The following MVP variants were observed in gnomAD, a reference collection of about 807,000 sequenced individuals.
The protein encoded by MVP is major vault protein.
MVP carries 62 observed loss-of-function variants against 83.5 expected under a neutral mutation model. The ratio of observed to expected loss-of-function variants is 0.74; its 90% CI spans 0.61 to 0.92. MVP has a LOEUF of 0.92. Among genes scored for constraint, MVP ranks in the 40% least tolerant of loss-of-function variants. MVP has a pLI of 0.00. For synonymous variants in MVP, 505 were observed against 504.1 expected, an observed-to-expected ratio of 1.00 and a Z score of -0.02; for missense variants, 1,000 against 1,203.4, an observed-to-expected ratio of 0.83 and a Z score of 2.50.
chr16:29,823,358 G>A (rs2067379198), intron 1 of MVP, among the ~76,000 whole-genome samples: 2 of 151,440 alleles, frequency 1.3e-5, no homozygotes, highest in Non-Finnish European at 2.9e-5. Flanking sequence ...TGAACTCCTG[G>A]CCTCAAGTGA....
In MVP at chr16:29,845,963, G is replaced by A. The variant is rs1131328; in HGVS notation, c.2122G>A (p.Glu708Lys). The A allele has an allele frequency of 6.2e-7, 1 of 1,614,278 alleles. No individual in the cohort carries two copies. The highest frequency in any genetic ancestry group is 1.1e-5 in the South Asian group (1 of 91,086). ...CGAGAAAGCTCGCAAGGAACTTTTG[G>A]AGCTGGAGGCTCTGAGGTGGGTTGA... is the stretch of plus-strand genomic sequence containing the variant. ...EAEKARKELLELEALSMAVES... is the reference protein window; with the variant it reads ...EAEKARKELLKLEALSMAVES... Residue 708 changes from glutamate to lysine, a missense_variant, in exon 12 of 15, where the codon GAG becomes AAG. Transcript: ENST00000357402.
intron 11 of MVP, among the ~76,000 whole-genome samples, chr16:29,845,449 C>T (rs747397978): frequency 7.9e-5 from 12 of 152,150 alleles, no homozygotes; most frequent in Non-Finnish European, 1.6e-4. Context: ...ATTCCTGCTG[C>T]CCAGAAAGCT....
At chr16:29,836,106 A>T in intron 6 of MVP, among the ~76,000 whole-genome samples, 1 of 151,838 alleles carries the variant, frequency 6.6e-6, no homozygotes, top group South Asian at 2.1e-4. Context: ...TCGCTACAAA[A>T]AATTTAAAAA....
intron 2 of MVP, 59 bp from the exon 3 acceptor site, chr16:29,830,819 C>T: frequency 1.3e-6 from 2 of 1,581,222 alleles, no homozygotes. Flanking sequence ...CATTTGGTGT[C>T]CTCTTTGGTA....
At chr16:29,838,769 G>C (rs1273472538) in intron 7 of MVP, among the ~76,000 whole-genome samples, 1 of 152,188 alleles carries the variant, frequency 6.6e-6, no homozygotes, top group East Asian at 1.9e-4. Flanking sequence ...GGAGTGTATA[G>C]TGAGCTATGA....
At position 29,836,977 on chromosome 16, in the gene MVP, C is replaced by A; in HGVS notation, c.909+19C>A. 6.3e-7 allele frequency: 1 copy of A among 1,593,762 alleles called. No individual in the cohort carries two copies. ...GGTCAAGGTGAGGTCCCTACACCCCCACAGAGGACTGCCCTGGGAGATGTA... is the reference window on the plus strand; with the variant it reads ...GGTCAAGGTGAGGTCCCTACACCCCAACAGAGGACTGCCCTGGGAGATGTA... On this transcript the variant is annotated intron_variant, in intron 7 of 14. Transcript: ENST00000357402.
At position 29,840,497 on chromosome 16, in the gene MVP, C is replaced by G. The variant is rs373050100; in HGVS notation, c.1191+38C>G. On this transcript the variant is annotated intron_variant, in intron 8 of 14. Coordinates refer to ENST00000357402, the MANE Select transcript of MVP (RefSeq NM_005115.5). Reference sequence around the variant, plus strand: ...AGTGAGCAGCAGTGCTGCCACGTGGCCTTGGCCTTGGTGGCGGCTTCCTCT... The same window carrying G: ...AGTGAGCAGCAGTGCTGCCACGTGGGCTTGGCCTTGGTGGCGGCTTCCTCT... The G allele has an allele frequency of 4.5e-3, 6,851 of 1,533,488 alleles. 23 individuals are homozygous for G. Among genetic ancestry groups the G allele is most frequent in the Non-Finnish European group, 5.3e-3 (5,982 of 1,134,450 alleles). The allele number at this position is 1,533,488 out of a possible 1,614,324, so 95.0% of individuals were successfully genotyped here.
intron 3 of MVP, among the ~76,000 whole-genome samples, chr16:29,831,957 T>C (rs2067446790): frequency 6.6e-6 from 1 of 152,240 alleles, no homozygotes; most frequent in South Asian, 2.1e-4. Context: ...TGTTTGTTTG[T>C]TTTTAATAGA....
At chr16:29,820,431 C>A (rs1900345679), upstream of MVP, 1 of 152,234 alleles carries the variant, frequency 6.6e-6, no homozygotes, top group African/African-American at 2.4e-5. Context: ...GCCTGCCTTG[C>A]CCTGCCGGGA....
rs768803012 is a variant in MVP at position 29,830,517 on chromosome 16, ATCT to A, written c.-28_-26del. The A allele has an allele frequency of 8.7e-6, 14 of 1,610,460 alleles. No homozygotes were observed. Among genetic ancestry groups the A allele is most frequent in the Admixed American group, 1.7e-5 (1 of 59,678 alleles). ...GTGTCGTCTCCCCCACCTACCAGTC[ATCT>A]TCTTGTGAGCCCTGGGCTTAGGAGT... is the stretch of plus-strand genomic sequence containing the variant. On this transcript the variant is annotated 5_prime_UTR_variant, in exon 2 of 15. Coordinates refer to ENST00000357402, the MANE Select transcript of MVP (RefSeq NM_005115.5).
Position 29,833,718 on chromosome 16 carries a change from C to A in MVP, c.322-15C>A. On this transcript the variant is annotated splice_polypyrimidine_tract_variant and intron_variant, in intron 3 of 14. Transcript: ENST00000357402. ...AGCACTGATGGTTCTGTGTCTCCAC[C>A]TTCTTCCCCACTAGGACATCACACC... is the stretch of plus-strand genomic sequence containing the variant. The A allele has an allele frequency of 6.2e-7, 1 of 1,613,846 alleles. No homozygotes were observed.
intron 3 of MVP, among the ~76,000 whole-genome samples, chr16:29,832,885 C>T (rs1596915661): frequency 6.6e-6 from 1 of 151,730 alleles, no homozygotes; most frequent in African/African-American, 2.4e-5. Flanking sequence ...GCCAACATGG[C>T]GAAAACCCAT....
At chr16:29,835,480 C>CAAAAAAAA (rs59649743) in intron 5 of MVP, 4 of 72,952 alleles carry the variant, frequency 5.5e-5, no homozygotes, top group Non-Finnish European at 7.2e-5. Flanking sequence ...GACTCCGTCT[C>CAAAAAAAA]AAAAAAAAAA....
chr16:29,834,869 ATTT>A (rs61591338), intron 5 of MVP: 4 of 88,912 alleles, frequency 4.5e-5, no homozygotes, highest in Non-Finnish European at 8.5e-5. Flanking sequence ...TTTTTTTTGT[ATTT>A]TTTTTTTTTT....
rs140782234 is a variant in MVP at position 29,847,785 on chromosome 16, C to G, written c.2478C>G (p.Gly826=). The change falls in exon 15 of 15, where the codon GGC becomes GGG. Residue 826 remains glycine (G), a synonymous_variant. Transcript: ENST00000357402. ...EMQVKLLQSL[G]LKSTLITDGS... ...AGGTAAAACTGCTCCAGTCCCTGGG[C>G]CTGAAATCAACCCTCATCACCGATG... 199 of 1,614,072 alleles carry G rather than the reference C, an allele frequency of 1.2e-4. No individual in the cohort carries two copies. The highest frequency in any genetic ancestry group is 1.6e-4 in the Non-Finnish European group (190 of 1,180,040).
chr16:29,838,793 C>CT (rs1389978696), intron 7 of MVP, among the ~76,000 whole-genome samples: 2 of 152,164 alleles, frequency 1.3e-5, no homozygotes. Context: ...TGCCACTGTA[C>CT]TCCAGCCTGA....
rs934831035 is a variant in MVP at position 29,823,008 on chromosome 16, G to A, written c.-36+2498G>A. 3.3e-5 allele frequency among the ~76,000 whole-genome samples: 5 copies of A among 151,260 alleles called. No individual in the cohort carries two copies. The East Asian group carries it at 9.8e-4, about 30-fold the overall frequency. On this transcript the variant is annotated intron_variant, in intron 1 of 14. Transcript: ENST00000357402. The stretch of plus-strand genomic sequence containing the variant: ...GCTGGGATTACAGCCACTGCGCCCG[G>A]CCTGAAACTGATCTTTATCCTCCTC...
chr16:29,823,776 G>T (rs1024452519), intron 1 of MVP, among the ~76,000 whole-genome samples: 7 of 151,490 alleles, frequency 4.6e-5, no homozygotes, highest in African/African-American at 1.7e-4. Flanking sequence ...CCGGGAGGCG[G>T]AGCTGCAGTG....
rs780790258 is a variant in MVP, at chr16:29,844,871, G to A, written c.2013G>A (p.Ala671=). ...AGATCACCACCAACTCCCAGGAAGC[G>A]GCGGCCAAGTAAGTGAGGCTGGGAG... ...AIEITTNSQE[A]AAKHEAQRLE... Residue 671 remains alanine, a synonymous_variant, in exon 11 of 15, where the codon GCG becomes GCA. Transcript: ENST00000357402. 64 of 1,599,164 alleles carry A rather than the reference G, an allele frequency of 4.0e-5. No homozygotes were observed. The highest frequency in any genetic ancestry group is 6.7e-5 in the African/African-American group (5 of 74,858).
Sources: allele counts gnomAD v4.1 joint callset (sites outside exome capture counted in the v4.1 genomes callset), GRCh38; gene constraint gnomAD v4.1.1; transcripts MANE v1.5; gene names NCBI Gene and HGNC (gene_info 2026-07-23, HGNC 2026-07-21).